The following PLXDC2 variants were observed in gnomAD, a reference collection of about 807,000 sequenced individuals.
The protein encoded by PLXDC2 is plexin domain containing 2, also known as plexin domain-containing protein 2.
Under a neutral mutation model 68.9 loss-of-function variants are expected in PLXDC2, and 40 were observed. That is an observed-to-expected ratio of 0.58 (90% CI 0.45 to 0.76). PLXDC2 has a LOEUF of 0.76. PLXDC2 is among the 30% of genes least tolerant of loss of function. PLXDC2 has a pLI of 0.00. For missense variants in PLXDC2, 644 were observed against 661.9 expected (o/e 0.97, Z 0.30); for synonymous variants, 243 against 234.2 (o/e 1.04, Z -0.34).
intron 4 of PLXDC2, among the ~76,000 whole-genome samples, chr10:20,075,091 A>G (rs1836416145): frequency 6.6e-6 from 1 of 152,136 alleles, no homozygotes; most frequent in African/African-American, 2.4e-5. Flanking sequence ...ACCTCCAAAA[A>G]CCTGAGAGTT....
chr10:19,927,616 C>T (rs1454728816), intron 1 of PLXDC2, among the ~76,000 whole-genome samples: 2 of 146,830 alleles, frequency 1.4e-5, no homozygotes, highest in African/African-American at 5.0e-5. Context: ...GCAGGAGAAT[C>T]GCTTGAACCT....
At chr10:19,868,501 G>C (rs935999568) in intron 1 of PLXDC2, among the ~76,000 whole-genome samples, 13 of 152,096 alleles carry the variant, frequency 8.5e-5, no homozygotes, top group Admixed American at 5.2e-4. Context: ...GTCTGCACCT[G>C]ATCAAAATGT....
At chr10:20,150,389 T>C (rs1834136893) in intron 6 of PLXDC2, among the ~76,000 whole-genome samples, 1 of 152,188 alleles carries the variant, frequency 6.6e-6, no homozygotes, top group Non-Finnish European at 1.5e-5. Context: ...GGAATGCTTA[T>C]ACACTGCTGG....
At chr10:20,201,334 A>C (rs948710012) in intron 9 of PLXDC2, among the ~76,000 whole-genome samples, 1 of 152,100 alleles carries the variant, frequency 6.6e-6, no homozygotes, top group Non-Finnish European at 1.5e-5. Flanking sequence ...CAGAAGCTTT[A>C]AAAAATAAAA....
intron 6 of PLXDC2, among the ~76,000 whole-genome samples, chr10:20,161,719 A>G (rs957043466): frequency 4.6e-5 from 7 of 151,974 alleles, no homozygotes; most frequent in Non-Finnish European, 1.0e-4. Context: ...GGAAGAAGAG[A>G]TAGGGAAGAG....
intron 1 of PLXDC2, among the ~76,000 whole-genome samples, chr10:19,957,885 A>G (rs7909155): frequency 0.22 from 33,840 of 152,030 alleles, 4,508 homozygotes; most frequent in East Asian, 0.46. Context: ...AGTAACATTT[A>G]TTCTTTAGAG....
intron 3 of PLXDC2, among the ~76,000 whole-genome samples, chr10:20,057,124 T>C (rs10508610): frequency 0.27 from 40,948 of 152,056 alleles, 7,221 homozygotes; most frequent in African/African-American, 0.5. Flanking sequence ...GGTTTAATTT[T>C]ACATAACATG....
intron 6 of PLXDC2, among the ~76,000 whole-genome samples, chr10:20,160,061 C>T (rs1216606514): frequency 6.6e-6 from 1 of 152,106 alleles, no homozygotes; most frequent in East Asian, 1.9e-4. Flanking sequence ...AGAGAAGGGT[C>T]TTTGTTTTCC....
chr10:20,156,139 G>A (rs1834214305), intron 6 of PLXDC2, among the ~76,000 whole-genome samples: 2 of 152,026 alleles, frequency 1.3e-5, no homozygotes, highest in Admixed American at 6.6e-5. Context: ...GTTTAGATAA[G>A]TTTCCTTATC....
chr10:20,146,628 C>T (rs1204003644), intron 5 of PLXDC2, among the ~76,000 whole-genome samples: 1 of 147,098 alleles, frequency 6.8e-6, no homozygotes, highest in African/African-American at 2.5e-5. Flanking sequence ...TGGCTAAAAG[C>T]ACCAAGGTCA....
chr10:20,227,885 G>T, intron 12 of PLXDC2, among the ~76,000 whole-genome samples: 1 of 152,094 alleles, frequency 6.6e-6, no homozygotes, highest in Non-Finnish European at 1.5e-5. Flanking sequence ...AGTAGTAGTT[G>T]ACCATGGGAA....
intron 1 of PLXDC2, among the ~76,000 whole-genome samples, chr10:19,877,150 A>G (rs956100574): frequency 6.6e-6 from 1 of 152,050 alleles, no homozygotes; most frequent in African/African-American, 2.4e-5. Context: ...TATTTTTTAG[A>G]TCAGTAAAAT....
rs144790921 is a variant in PLXDC2 at position 20,014,645 on chromosome 10, A to G, written c.324+12659A>G. Among the ~76,000 whole-genome samples the G allele has an allele frequency of 3.4e-3, 516 of 152,208 alleles. 1 individual carries two copies. Among genetic ancestry groups the G allele is most frequent in the African/African-American group, 0.012 (493 of 41,528 alleles). On this transcript the variant is annotated intron_variant, in intron 2 of 13. Coordinates refer to ENST00000377252, the MANE Select transcript of PLXDC2 (RefSeq NM_032812.9). ...GTCAAAATGTTATTTTGCTCCCTTGAATAAGTTTGCTATGGTTTGAGCAGA... is the reference window on the plus strand; with the variant it reads ...GTCAAAATGTTATTTTGCTCCCTTGGATAAGTTTGCTATGGTTTGAGCAGA...
intron 1 of PLXDC2, among the ~76,000 whole-genome samples, chr10:19,891,653 G>A (rs999348629): frequency 2.0e-5 from 3 of 152,190 alleles, no homozygotes; most frequent in Non-Finnish European, 2.9e-5. Flanking sequence ...TAGACCAGCT[G>A]CCCTTGGGAG....
At chr10:19,919,865 T>C (rs1387103165) in intron 1 of PLXDC2, among the ~76,000 whole-genome samples, 1 of 152,210 alleles carries the variant, frequency 6.6e-6, no homozygotes, top group Non-Finnish European at 1.5e-5. Context: ...AGGCGAACAC[T>C]AGGTGTGAAC....
At chr10:20,018,132 T>C (rs1278455236) in intron 2 of PLXDC2, among the ~76,000 whole-genome samples, 1 of 152,188 alleles carries the variant, frequency 6.6e-6, no homozygotes, top group Admixed American at 6.5e-5. Flanking sequence ...AAACAAAATA[T>C]TTCTACAGGG....
intron 12 of PLXDC2, among the ~76,000 whole-genome samples, chr10:20,226,896 G>C (rs180760133): frequency 6.6e-6 from 1 of 151,866 alleles, no homozygotes; most frequent in Non-Finnish European, 1.5e-5. Flanking sequence ...TCTACTGGAG[G>C]AAAGAAACTT....
chr10:19,863,819 C>A (rs1474573832), intron 1 of PLXDC2, among the ~76,000 whole-genome samples: 1 of 21,610 alleles, frequency 4.6e-5, no homozygotes, highest in East Asian at 7.7e-4. Context: ...AGATACTATT[C>A]AAAAATTTTT....
At chr10:20,156,667 G>C (rs1410750726) in intron 6 of PLXDC2, among the ~76,000 whole-genome samples, 1 of 152,140 alleles carries the variant, frequency 6.6e-6, no homozygotes, top group Non-Finnish European at 1.5e-5. Flanking sequence ...TGTGGAGATG[G>C]GGGCAGGAGG....
Sources: gnomAD v4.1 joint callset for allele counts (sites outside exome capture counted in the v4.1 genomes callset) on GRCh38, gnomAD v4.1.1 for gene constraint, MANE v1.5 for transcripts, NCBI Gene and HGNC (gene_info 2026-07-23, HGNC 2026-07-21) for gene names.